The following IQCH variants were observed in gnomAD, a reference collection of about 807,000 sequenced individuals.
The protein encoded by IQCH is IQ motif containing H.
IQCH carries 98 observed loss-of-function variants against 117.0 expected under a neutral mutation model. The observed-to-expected ratio is 0.84, with a 90% CI of 0.71 to 0.99. The LOEUF (loss-of-function observed/expected upper bound fraction) is 0.99. Among genes scored for constraint, IQCH ranks in the 50% least tolerant of loss-of-function variants. IQCH has a pLI of 0.00. For missense variants in IQCH, 1,102 were observed against 1,243.8 expected, an observed-to-expected ratio of 0.89 and a Z score of 1.72; for synonymous variants, 412 against 448.2, an observed-to-expected ratio of 0.92 and a Z score of 1.02.
chr15:67,347,095 T>G (rs1290061065), intron 6 of IQCH, among the ~76,000 whole-genome samples: 1 of 151,344 alleles, frequency 6.6e-6, no homozygotes, highest in Non-Finnish European at 1.5e-5. Context: ...AGATTAATGA[T>G]CTAAGCTCCC....
At position 67,376,692 on chromosome 15, in the gene IQCH, A is replaced by G. The variant is rs1349679034; in HGVS notation, c.1372+3259A>G. 6.6e-6 allele frequency among the ~76,000 whole-genome samples: 1 copy of G among 152,238 alleles called. No individual in the cohort carries two copies. Among genetic ancestry groups the G allele is most frequent in the Non-Finnish European group, 1.5e-5 (1 of 68,038 alleles). ...ACACATGGGAATAATTGCATTTTCC[A>G]AACTGGTGATCACAGAAAGGATGGC... is the stretch of plus-strand genomic sequence containing the variant. On this transcript the variant is annotated intron_variant, in intron 10 of 20. Transcript: ENST00000335894. This position sits in a 1 kb window ranked among gnomAD's most constrained non-coding sequence, Gnocchi z 5.0.
intron 16 of IQCH, among the ~76,000 whole-genome samples, chr15:67,442,820 A>ATAGT (rs1555499772): frequency 1.8e-5 from 1 of 56,048 alleles, no homozygotes; most frequent in African/African-American, 6.4e-5. Flanking sequence ...AAACTGTGAG[A>ATAGT]TAGATAGATA....
chr15:67,332,869 T>A (rs921451258), intron 4 of IQCH, among the ~76,000 whole-genome samples: 23 of 152,342 alleles, frequency 1.5e-4, no homozygotes, highest in African/African-American at 5.3e-4. Flanking sequence ...CCACCTGTTT[T>A]TGTAAATAAA....
intron 4 of IQCH, chr15:67,281,561 G>C: frequency 2.7e-6 from 1 of 375,608 alleles, no homozygotes; most frequent in South Asian, 2.0e-5. Context: ...GCCTCCTTCA[G>C]AGAGAATAGA....
chr15:67,447,139 C>G lies in IQCH; in HGVS notation c.2506-17988C>G, dbSNP rs1186428834. 6.6e-6 allele frequency among the ~76,000 whole-genome samples: 1 copy of G among 152,212 alleles called. No homozygotes were observed. Among genetic ancestry groups the G allele is most frequent in the Non-Finnish European group, 1.5e-5 (1 of 68,044 alleles). On this transcript the variant is annotated intron_variant, in intron 16 of 20. Coordinates refer to ENST00000335894, the MANE Select transcript of IQCH (RefSeq NM_001031715.3). The surrounding 1 kb of genome is among the most constrained non-coding windows in gnomAD (Gnocchi z 5.3). ...GCACGTTCTTGGGTTCTTTGAGCCT[C>G]AATTTTCCCTTCATAAAATGGGAGT... is the stretch of plus-strand genomic sequence containing the variant.
At chr15:67,282,469 TC>T (rs1380889126) in intron 4 of IQCH, among the ~76,000 whole-genome samples, 1 of 152,174 alleles carries the variant, frequency 6.6e-6, no homozygotes, top group East Asian at 1.9e-4. Context: ...TGGGTGAGCT[TC>T]ACTTAAAAAG....
At position 67,366,528 on chromosome 15, in the gene IQCH, A is replaced by G. The variant is rs572877116; in HGVS notation, c.754-5583A>G. ...TTCAGAGTTCAGGAAGACTCATTTG[A>G]ATAAAGATACCTTTCAAAGCAATTG... is the stretch of plus-strand genomic sequence containing the variant. On this transcript the variant is annotated intron_variant, in intron 8 of 20. Coordinates refer to ENST00000335894, the MANE Select transcript of IQCH (RefSeq NM_001031715.3). This position sits in a 1 kb window ranked among gnomAD's most constrained non-coding sequence, Gnocchi z 4.4. Among the ~76,000 whole-genome samples the G allele has an allele frequency of 6.6e-6, 1 of 152,338 alleles. No individual in the cohort carries two copies. The highest frequency in any genetic ancestry group is 2.4e-5 in the African/African-American group (1 of 41,570).
chr15:67,478,642 T>C (rs2083265841), intron 18 of IQCH, among the ~76,000 whole-genome samples: 1 of 150,552 alleles, frequency 6.6e-6, no homozygotes, highest in Admixed American at 6.6e-5. Context: ...AAGGAACAGA[T>C]AGGCTGGGCA....
chr15:67,452,989 T>C (rs1386485439), intron 16 of IQCH, among the ~76,000 whole-genome samples: 1 of 152,236 alleles, frequency 6.6e-6, no homozygotes, highest in Non-Finnish European at 1.5e-5. Context: ...CTTCTATCAC[T>C]GATACCCTTT....
chr15:67,348,970 C>T (rs1203684023), intron 6 of IQCH, among the ~76,000 whole-genome samples: 2 of 152,194 alleles, frequency 1.3e-5, no homozygotes, highest in Non-Finnish European at 2.9e-5. Context: ...TTGGTCAATT[C>T]ATTTTTGACA....
In IQCH at chr15:67,416,288, C is replaced by T. The variant is rs560861513; in HGVS notation, c.2098-643C>T. On this transcript the variant is annotated intron_variant, in intron 14 of 20. Transcript: ENST00000335894. This position sits in a 1 kb window ranked among gnomAD's most constrained non-coding sequence, Gnocchi z 5.1. ...ATCCCAGCACTTTGGGAGGCCGAGG[C>T]GGGCGGATCACCTGAGGTCGGGAGT... Among the ~76,000 whole-genome samples the T allele has an allele frequency of 5.3e-5, 8 of 152,038 alleles. No homozygotes were observed. In the East Asian group the frequency reaches 7.7e-4, roughly 15 times the overall value.
intron 10 of IQCH, among the ~76,000 whole-genome samples, chr15:67,380,912 C>T (rs1476595676): frequency 1.3e-5 from 2 of 152,230 alleles, no homozygotes; most frequent in Non-Finnish European, 2.9e-5. Flanking sequence ...ACAACTACTA[C>T]TTGGTAATCA....
rs1659886026 is a variant in IQCH, at chr15:67,458,696, G to A, written c.2506-6431G>A. The stretch of plus-strand genomic sequence containing the variant: ...GCTGTATTCTCTACCAACCAGAGGA[G>A]CTGGGCAGGTGACCGAGCACTTGGT... On this transcript the variant is annotated intron_variant, in intron 16 of 20. Coordinates refer to ENST00000335894, the MANE Select transcript of IQCH (RefSeq NM_001031715.3). This position sits in a 1 kb window ranked among gnomAD's most constrained non-coding sequence, Gnocchi z 4.1. Among the ~76,000 whole-genome samples, 2 of 152,250 alleles carry A rather than the reference G, an allele frequency of 1.3e-5. No homozygotes were observed. The highest frequency in any genetic ancestry group is 2.9e-5 in the Non-Finnish European group (2 of 68,040).
chr15:67,349,284 T>C (rs1191273759), intron 6 of IQCH, among the ~76,000 whole-genome samples: 1 of 152,120 alleles, frequency 6.6e-6, no homozygotes, highest in Non-Finnish European at 1.5e-5. Flanking sequence ...AAATTAAACA[T>C]TTATACTCTT....
rs1466915747 is a variant in IQCH at position 67,413,930 on chromosome 15, G to C, written c.2098-3001G>C. Among the ~76,000 whole-genome samples the C allele has an allele frequency of 6.6e-6, 1 of 152,184 alleles. No individual in the cohort carries two copies. Among genetic ancestry groups the C allele is most frequent in the Admixed American group, 6.5e-5 (1 of 15,284 alleles). The stretch of plus-strand genomic sequence containing the variant: ...AATGGCTGGCTTTGTGATCAGAGGC[G>C]GTGGCAGAAGCCTGGCACAGTGTCC... On this transcript the variant is annotated intron_variant, in intron 14 of 20. Transcript: ENST00000335894. This position sits in a 1 kb window ranked among gnomAD's most constrained non-coding sequence, Gnocchi z 5.0.
intron 10 of IQCH, among the ~76,000 whole-genome samples, chr15:67,375,654 T>C (rs962295210): frequency 6.6e-6 from 1 of 152,154 alleles, no homozygotes; most frequent in African/African-American, 2.4e-5. Context: ...ATGTAATTTC[T>C]AAGAGATAAG....
rs1028793061 is a variant in IQCH, at chr15:67,490,422, T to A, written c.2861+358T>A. 1.3e-5 allele frequency among the ~76,000 whole-genome samples: 2 copies of A among 152,150 alleles called. No individual in the cohort carries two copies. The highest frequency in any genetic ancestry group is 2.9e-5 in the Non-Finnish European group (2 of 68,028). On this transcript the variant is annotated intron_variant, in intron 19 of 20. Coordinates refer to ENST00000335894, the MANE Select transcript of IQCH (RefSeq NM_001031715.3). The surrounding 1 kb of genome is among the most constrained non-coding windows in gnomAD (Gnocchi z 4.9). ...GGTTTCATCATGTTGGCCAGGATGG[T>A]CTCGATCTCTTGACCTCGTGATGCA...
rs4238408 is a variant in IQCH at position 67,427,500 on chromosome 15, A to T, written c.2505+5923A>T. On this transcript the variant is annotated intron_variant, in intron 16 of 20. Transcript: ENST00000335894. This position sits in a 1 kb window ranked among gnomAD's most constrained non-coding sequence, Gnocchi z 4.7. ...CAAAGTGCTTGGATTACAGGTGTGA[A>T]CCACTGTGCCTGGCCTCCAGCTCTT... Among the ~76,000 whole-genome samples, 9 of 151,372 alleles carry T rather than the reference A, an allele frequency of 5.9e-5. No individual in the cohort carries two copies. The highest frequency in any genetic ancestry group is 1.5e-5 in the Non-Finnish European group (1 of 67,774).
rs75073984 is a variant in IQCH at position 67,319,529 on chromosome 15, G to A, written c.388-17446G>A. On this transcript the variant is annotated intron_variant, in intron 4 of 20. Transcript: ENST00000335894. ...CTTCCTCATTTATGAACACCAACACGTGACATGTGAGACTGAAAAGTAGAC... is the reference window on the plus strand; with the variant it reads ...CTTCCTCATTTATGAACACCAACACATGACATGTGAGACTGAAAAGTAGAC... Among the ~76,000 whole-genome samples, 735 of 152,260 alleles carry A rather than the reference G, an allele frequency of 4.8e-3. 4 individuals are homozygous for A. Among genetic ancestry groups the A allele is most frequent in the African/African-American group, 0.017 (708 of 41,544 alleles).
Sources: gnomAD v4.1 joint callset for allele counts (sites outside exome capture counted in the v4.1 genomes callset) on GRCh38, gnomAD v4.1.1 for gene constraint, Gnocchi (gnomAD v3.1) non-coding constraint, MANE v1.5 for transcripts, NCBI Gene and HGNC (gene_info 2026-07-23, HGNC 2026-07-21) for gene names.